The following MYH11 variants were observed in gnomAD, a reference collection of about 807,000 sequenced individuals.
The protein encoded by MYH11 is myosin-11.
In MYH11, 80 loss-of-function variants were observed where a neutral mutation model predicts 246.6. That is an observed-to-expected ratio of 0.32 (90% CI 0.27 to 0.39). The LOEUF (loss-of-function observed/expected upper bound fraction) is 0.39, where lower values mean the gene tolerates loss of function less well. Ranked by LOEUF, MYH11 falls within the 10% of genes least tolerant of loss-of-function variation. The pLI is 1.00. For missense variants in MYH11, 2,158 were observed against 2,546.8 expected (o/e 0.85, Z 3.29); for synonymous variants, 1,071 against 1,015.5 (o/e 1.05, Z -1.04).
rs926761346 is a variant in MYH11 at position 15,768,491 on chromosome 16, G to C, written c.1033+3078C>G. The stretch of plus-strand genomic sequence containing the variant: ...AGGCCCCTTGATGGAGGGTTTGGAA[G>C]TAGCTCTTGGTTTATAAATGGGGTT... On this transcript the variant is annotated intron_variant, in intron 9 of 40. Transcript: ENST00000300036. Among the ~76,000 whole-genome samples, 4 of 152,166 alleles carry C rather than the reference G, an allele frequency of 2.6e-5. No individual in the cohort carries two copies. The South Asian group carries it at 8.3e-4, about 31-fold the overall frequency.
At position 15,724,243 on chromosome 16, in the gene MYH11, T is replaced by C. The variant is rs1314555293; in HGVS notation, c.4283A>G (p.Glu1428Gly). ...CAAATCAACAACCAGGTCGTCCAGC[T>C]CCTGCTGAAGCCTGTTCTTGGTCTT... ...LEKTKNRLQQELDDLVVDLDN... is the reference protein window; with the variant it reads ...LEKTKNRLQQGLDDLVVDLDN... The change falls in exon 31 of 41, where the codon GAG becomes GGG. Residue 1428 changes from glutamate to glycine, a missense_variant. Physicochemically the swap from Glu to Gly is moderately conservative, Grantham distance 98. Transcript: ENST00000300036. The C allele has an allele frequency of 6.2e-7, 1 of 1,614,184 alleles. No homozygotes were observed. Among genetic ancestry groups the C allele is most frequent in the Admixed American group, 1.7e-5 (1 of 60,020 alleles).
At chr16:15,777,137 G>A (rs1310255925) in intron 7 of MYH11, among the ~76,000 whole-genome samples, 1 of 139,936 alleles carries the variant, frequency 7.1e-6, no homozygotes, top group African/African-American at 2.8e-5. Context: ...ACGCACGTAT[G>A]TTTGAGCCAG....
rs560762828 is a variant in MYH11 at position 15,857,017 on chromosome 16, C to A, written c.-94G>T. ...ATCTGACGCACCTCCCAGGCCGGAG[C>A]GTCCAAATCTCCCTGCGCGTCCTCG... On this transcript the variant is annotated 5_prime_UTR_variant, in exon 1 of 41. Coordinates refer to ENST00000300036, the MANE Select transcript of MYH11 (RefSeq NM_002474.3). The A allele has an allele frequency of 6.7e-6, 1 of 148,258 alleles. No homozygotes were observed. The highest frequency in any genetic ancestry group is 6.8e-5 in the Admixed American group (1 of 14,754). 9.2% of individuals were successfully genotyped at this position (148,258 alleles called of 1,614,324 possible). A position where few individuals can be genotyped will look rare whatever the true frequency, so the allele number is the denominator to read the frequency against.
rs762182799 is a variant in MYH11, at chr16:15,741,942, T to C, written c.2521-51A>G. On this transcript the variant is annotated intron_variant, in intron 20 of 40. Coordinates refer to ENST00000300036, the MANE Select transcript of MYH11 (RefSeq NM_002474.3). ...TTTGTTTTTGTGGCAAAGGGATATG[T>C]TGTCATAATAAATTCGATCAGTGGT... 1.9e-6 allele frequency: 3 copies of C among 1,612,086 alleles called. No homozygotes were observed. The East Asian group carries it at 6.7e-5, about 36-fold the overall frequency.
At chr16:15,751,069 C>T (rs2041553336) in intron 15 of MYH11, among the ~76,000 whole-genome samples, 1 of 151,916 alleles carries the variant, frequency 6.6e-6, no homozygotes, top group South Asian at 2.1e-4. Flanking sequence ...AGATACAGCA[C>T]ACACTCCGAG....
intron 3 of MYH11, among the ~76,000 whole-genome samples, chr16:15,822,632 T>C (rs1160435973): frequency 6.6e-6 from 1 of 152,160 alleles, no homozygotes; most frequent in Non-Finnish European, 1.5e-5. Context: ...GGAGAATTGC[T>C]TGAGCCCAGG....
chr16:15,801,600 G>A (rs1366594240), intron 3 of MYH11, among the ~76,000 whole-genome samples: 3 of 152,114 alleles, frequency 2.0e-5, no homozygotes, highest in Non-Finnish European at 4.4e-5. Flanking sequence ...GTTCAAGGTT[G>A]CAGTGAGCTG....
chr16:15,783,843 G>T (rs2042408894), intron 5 of MYH11, among the ~76,000 whole-genome samples: 1 of 151,980 alleles, frequency 6.6e-6, no homozygotes, highest in African/African-American at 2.4e-5. Context: ...TAACTGACTC[G>T]GCCAAGGTCA....
chr16:15,798,760 T>C (rs1381196818), intron 3 of MYH11, 73 bp from the exon 4 acceptor site: 68 of 1,449,724 alleles, frequency 4.7e-5, no homozygotes, highest in Non-Finnish European at 6.5e-5. Flanking sequence ...ACTTGGCTCC[T>C]CCCAGGGCCC....
intron 25 of MYH11, among the ~76,000 whole-genome samples, chr16:15,736,970 A>G (rs1231736597): frequency 2.0e-5 from 3 of 152,124 alleles, no homozygotes; most frequent in African/African-American, 7.2e-5. Context: ...ATTTAGAAGG[A>G]CTGGCAGAAT....
In MYH11 at chr16:15,717,291, T is replaced by A. The variant is rs772663756; in HGVS notation, c.5353A>T (p.Ser1785Cys). Reference protein sequence around the residue: ...TERSTAQKNESARQQLERQNK... With the variant: ...TERSTAQKNECARQQLERQNK... Reference sequence around the variant, plus strand: ...TGCCGCTCGAGCTGCTGCCGGGCACTCTCATTCTTCTGGGCCGTGCTGCGC... The same window carrying A: ...TGCCGCTCGAGCTGCTGCCGGGCACACTCATTCTTCTGGGCCGTGCTGCGC... Residue 1785 changes from serine to cysteine, a missense_variant, in exon 38 of 41, where the codon AGT becomes TGT. Coordinates refer to ENST00000300036, the MANE Select transcript of MYH11 (RefSeq NM_002474.3). 63 of 1,613,202 alleles carry A rather than the reference T, an allele frequency of 3.9e-5. 2 individuals are homozygous for A. The Admixed American group carries it at 6.2e-4, about 16-fold the overall frequency.
chr16:15,776,016 C>G, intron 8 of MYH11, 62 bp downstream of exon 8: 1 of 1,253,790 alleles, frequency 8.0e-7, no homozygotes, highest in Non-Finnish European at 1.2e-6. Flanking sequence ...TCCCTTAACC[C>G]CGGATTCTGA....
intron 1 of MYH11, among the ~76,000 whole-genome samples, chr16:15,845,066 C>A: frequency 6.6e-6 from 1 of 152,122 alleles, no homozygotes; most frequent in East Asian, 1.9e-4. Flanking sequence ...TCTGCCACTG[C>A]AGAATGCGTG....
chr16:15,825,386 C>CA (rs1212947132), intron 2 of MYH11, among the ~76,000 whole-genome samples: 6,390 of 60,942 alleles, frequency 0.1, 226 homozygotes, highest in East Asian at 0.16. Context: ...CCCCTCTCTA[C>CA]AAAAAAAAAA....
At chr16:15,781,470 C>T (rs549208292) in intron 6 of MYH11, among the ~76,000 whole-genome samples, 14 of 152,298 alleles carry the variant, frequency 9.2e-5, no homozygotes, top group African/African-American at 2.4e-4. Context: ...CCCATCTCAG[C>T]GAGCAACAGT....
At chr16:15,723,226 G>T (rs898717842) in intron 31 of MYH11, among the ~76,000 whole-genome samples, 1 of 152,156 alleles carries the variant, frequency 6.6e-6, no homozygotes, top group African/African-American at 2.4e-5. Context: ...AAGCAAAATT[G>T]TGTTTAAAAA....
At chr16:15,729,944 C>G (rs1003932850) in intron 27 of MYH11, among the ~76,000 whole-genome samples, 1 of 152,098 alleles carries the variant, frequency 6.6e-6, no homozygotes, top group African/African-American at 2.4e-5. Context: ...TCTCAGCCTC[C>G]CAAAGTGCTG....
rs200391659 is a variant in MYH11 at position 15,724,291 on chromosome 16, G to A, written c.4235C>T (p.Ala1412Val). Residue 1412 changes from alanine to valine, a missense_variant, in exon 31 of 41, where the codon GCG becomes GTG. By Grantham distance (64) the Ala-to-Val change is moderately conservative. Around this residue, in one of 11 missense-constraint regions of MYH11, gnomAD observed 1,013 missense variants for 993.5 expected, o/e 1.02. Coordinates refer to ENST00000300036, the MANE Select transcript of MYH11 (RefSeq NM_002474.3). ...ENLTQQYEEK[A>V]AAYDKLEKTK... ...CTTTTCCAGTTTATCATAAGCGGCC[G>A]CCTTCTCCTCGTACTGCTGGGTGAG... 2.2e-5 allele frequency: 35 copies of A among 1,614,012 alleles called. No homozygotes were observed. Among genetic ancestry groups the A allele is most frequent in the African/African-American group, 1.2e-4 (9 of 74,890 alleles).
intron 1 of MYH11, among the ~76,000 whole-genome samples, chr16:15,844,058 A>T (rs2044125344): frequency 6.6e-6 from 1 of 152,206 alleles, no homozygotes; most frequent in Non-Finnish European, 1.5e-5. Flanking sequence ...CAGATGGGCC[A>T]CTACAGGAAG....
Sources: gnomAD v4.1 joint callset for allele counts (sites outside exome capture counted in the v4.1 genomes callset) on GRCh38, gnomAD v4.1.1 for gene constraint, gnomAD v4.1.1 regional missense constraint, MANE v1.5 for transcripts, NCBI Gene and HGNC (gene_info 2026-07-23, HGNC 2026-07-21) for gene names.